Variants in KCNQ4 observed in about 807,000 individuals in gnomAD.
KCNQ4 encodes the protein potassium voltage-gated channel subfamily Q member 4.
In KCNQ4, 31 loss-of-function variants were observed where a neutral mutation model predicts 72.6. The ratio of observed to expected loss-of-function variants is 0.43; its 90% CI spans 0.32 to 0.58. KCNQ4 has a LOEUF of 0.58. Ranked by LOEUF, KCNQ4 falls within the 20% of genes least tolerant of loss-of-function variation. KCNQ4 has a pLI of 0.08. For synonymous variants in KCNQ4, 405 were observed against 403.7 expected, an observed-to-expected ratio of 1.00 and a Z score of -0.04; for missense variants, 869 against 962.6, an observed-to-expected ratio of 0.90 and a Z score of 1.29.
chr1:40,829,103 G>A (rs977954769), intron 9 of KCNQ4, among the ~76,000 whole-genome samples: 24 of 152,224 alleles, frequency 1.6e-4, no homozygotes, highest in African/African-American at 4.8e-4. Flanking sequence ...TCTCCAGAAC[G>A]CCATTGGAGC....
Position 40,804,693 on chromosome 1 carries a change from C to T in KCNQ4, c.315-12572C>T, listed in dbSNP as rs992937190. On this transcript the variant is annotated intron_variant, in intron 1 of 13. Coordinates refer to ENST00000347132, the MANE Select transcript of KCNQ4 (RefSeq NM_004700.4). ...ATTAGTCGGGCATGGTGGCACCCAC[C>T]TGTGGCCCCAGCTACTCAGGGGGCT... 2.6e-5 allele frequency among the ~76,000 whole-genome samples: 4 copies of T among 152,138 alleles called. No homozygotes were observed. In the East Asian group the frequency reaches 5.8e-4, roughly 22 times the overall value.
At position 40,838,607 on chromosome 1, in the gene KCNQ4, C is replaced by T; in HGVS notation, c.*84C>T. On this transcript the variant is annotated 3_prime_UTR_variant, in exon 14 of 14. Transcript: ENST00000347132. ...CCCTCTGAGGCCTCCGGACTCCTCT[C>T]GTACTTGAACTCACTCCCTCACGGG... The T allele has an allele frequency of 8.1e-7, 1 of 1,237,608 alleles. No homozygotes were observed. The highest frequency in any genetic ancestry group is 1.2e-6 in the Non-Finnish European group (1 of 841,920). The allele number at this position is 1,237,608 out of a possible 1,614,324, so 76.7% of individuals were successfully genotyped here.
At chr1:40,796,823 C>A (rs1647423806) in intron 1 of KCNQ4, among the ~76,000 whole-genome samples, 1 of 152,048 alleles carries the variant, frequency 6.6e-6, no homozygotes, top group Admixed American at 6.5e-5. Flanking sequence ...GAGGTTGAGG[C>A]ATCAGAATCG....
chr1:40,814,046 C>CTTTTTTTTTTTTTTTTTTTTTTTTTTTTT (rs35243800), intron 1 of KCNQ4, among the ~76,000 whole-genome samples: 1 of 52,708 alleles, frequency 1.9e-5, no homozygotes, highest in African/African-American at 8.0e-5. Context: ...TGCGCCCGGC[C>CTTTTTTTTTTTTTTTTTTTTTTTTTTTTT]TTTTTTTTTT....
At chr1:40,818,811 A>G in intron 4 of KCNQ4, 131 bp downstream of exon 4, 1 of 1,042,026 alleles carries the variant, frequency 9.6e-7, no homozygotes, top group Non-Finnish European at 1.4e-6. Context: ...CGGGGGTTGG[A>G]GCCCTAGCAG....
In KCNQ4 at chr1:40,824,269, C is replaced by T. The variant is rs760293256; in HGVS notation, c.1292+11C>T. On this transcript the variant is annotated intron_variant, in intron 9 of 13. Coordinates refer to ENST00000347132, the MANE Select transcript of KCNQ4 (RefSeq NM_004700.4). ...CTGCCCTGGGGAAAGGTAGGGGCCCCGTGGGGCTGCCACCTCCTCTTGCTT... is the reference window on the plus strand; with the variant it reads ...CTGCCCTGGGGAAAGGTAGGGGCCCTGTGGGGCTGCCACCTCCTCTTGCTT... 43 of 1,603,640 alleles carry T rather than the reference C, an allele frequency of 2.7e-5. No homozygotes were observed. The highest frequency in any genetic ancestry group is 1.9e-4 in the African/African-American group (14 of 74,694).
chr1:40,837,906 C>T lies in KCNQ4; in HGVS notation c.1875+112C>T, dbSNP rs1648852466. 3 of 1,410,848 alleles carry T rather than the reference C, an allele frequency of 2.1e-6. No individual in the cohort carries two copies. The African/African-American group carries it at 4.3e-5, about 20-fold the overall frequency. The allele number at this position is 1,410,848 out of a possible 1,614,324, so 87.4% of individuals were successfully genotyped here. A position where few individuals can be genotyped will look rare whatever the true frequency, so the allele number is the denominator to read the frequency against. Reference sequence around the variant, plus strand: ...CACAGCCCAAGGGTCCCCGAGAAGACCTAAGAGCCCCCTCCCCGGCCGAAG... The same window carrying T: ...CACAGCCCAAGGGTCCCCGAGAAGATCTAAGAGCCCCCTCCCCGGCCGAAG... On this transcript the variant is annotated intron_variant, in intron 13 of 13. Coordinates refer to ENST00000347132, the MANE Select transcript of KCNQ4 (RefSeq NM_004700.4).
At chr1:40,830,510 A>G (rs1053302555) in intron 9 of KCNQ4, among the ~76,000 whole-genome samples, 1 of 152,154 alleles carries the variant, frequency 6.6e-6, no homozygotes, top group African/African-American at 2.4e-5. Context: ...ACACGCCAAC[A>G]TATGTACACA....
chr1:40,819,047 G>C, intron 4 of KCNQ4: 1 of 548,246 alleles, frequency 1.8e-6, no homozygotes, highest in Non-Finnish European at 3.4e-6. Flanking sequence ...GTGGAAGCCT[G>C]AAAGTGGGAC....
At chr1:40,803,437 C>T (rs564904439) in intron 1 of KCNQ4, among the ~76,000 whole-genome samples, 86 of 152,240 alleles carry the variant, frequency 5.6e-4, no homozygotes, top group Non-Finnish European at 1.0e-3. Flanking sequence ...TCTGCTTCTC[C>T]CTCTGCTGCC....
intron 9 of KCNQ4, among the ~76,000 whole-genome samples, chr1:40,824,470 C>T (rs1648417164): frequency 6.6e-6 from 1 of 152,196 alleles, no homozygotes; most frequent in Non-Finnish European, 1.5e-5. Flanking sequence ...CTGTGGGGCT[C>T]TGAGGGTCTG....
At position 40,819,924 on chromosome 1, in the gene KCNQ4, T is replaced by C. The variant is rs1169627230; in HGVS notation, c.884T>C (p.Leu295Pro). 3 of 1,614,112 alleles carry C rather than the reference T, an allele frequency of 1.9e-6. No homozygotes were observed. In the African/African-American group the frequency reaches 4.0e-5, roughly 22 times the overall value. The change falls in exon 6 of 14, where the codon CTG becomes CCG. Residue 295 changes from leucine (L) to proline (P), a missense_variant. Leu to Pro is a moderately conservative substitution (Grantham distance 98, BLOSUM62 -3). This residue lies in a region of KCNQ4 where 13 missense variants were observed against 46.0 expected (regional missense o/e 0.28). Transcript: ENST00000347132. Reference protein sequence around the residue: ...GYGDKTPHTWLGRVLAAGFAL... With the variant: ...GYGDKTPHTWPGRVLAAGFAL... The stretch of plus-strand genomic sequence containing the variant: ...GGTGACAAGACACCGCACACATGGC[T>C]GGGCAGGGTCCTGGCTGCTGGCTTC...
Position 40,820,240 on chromosome 1 carries a change from C to T in KCNQ4, c.1021C>T (p.Pro341Ser). 6.2e-7 allele frequency: 1 copy of T among 1,607,344 alleles called. No individual in the cohort carries two copies. The highest frequency in any genetic ancestry group is 8.5e-7 in the Non-Finnish European group (1 of 1,177,044). The change falls in exon 7 of 14, where the codon CCG becomes TCG. Residue 341 changes from proline (P) to serine (S), a missense_variant. Coordinates refer to ENST00000347132, the MANE Select transcript of KCNQ4 (RefSeq NM_004700.4). ...GAAGCACTTCGAGAAGCGGAGGATG[C>T]CGGCAGCCAACCTCATCCAGGTACA... ...RQKHFEKRRMPAANLIQAAWR... is the reference protein window; with the variant it reads ...RQKHFEKRRMSAANLIQAAWR...
intron 1 of KCNQ4, among the ~76,000 whole-genome samples, chr1:40,795,238 G>C (rs1030750436): frequency 6.7e-6 from 1 of 149,694 alleles, no homozygotes; most frequent in African/African-American, 2.4e-5. Context: ...AGAACAGGGG[G>C]GTTGTGGTGG....
At position 40,834,755 on chromosome 1, in the gene KCNQ4, AC is replaced by A. The variant is rs147459653; in HGVS notation, c.1614-208del. Among the ~76,000 whole-genome samples, 1,652 of 151,394 alleles carry A rather than the reference AC, an allele frequency of 0.011. 29 individuals are homozygous for A. The highest frequency in any genetic ancestry group is 0.038 in the African/African-American group (1,547 of 41,200). ...CATGGCACCCTGAACCCCATCCTCC[AC>A]CCCGGCTGGTTGATTAACCCCTTTC... On this transcript the variant is annotated intron_variant, in intron 11 of 13. Coordinates refer to ENST00000347132, the MANE Select transcript of KCNQ4 (RefSeq NM_004700.4).
intron 11 of KCNQ4, 58 bp from the exon 12 acceptor site, chr1:40,834,909 G>T: frequency 1.9e-6 from 3 of 1,604,110 alleles, no homozygotes; most frequent in Non-Finnish European, 2.6e-6. Context: ...TGGAGAGGGT[G>T]CTGGGAAAGA....
chr1:40,819,526 C>T (rs1352502430), intron 5 of KCNQ4, 54 bp downstream of exon 5: 10 of 1,607,452 alleles, frequency 6.2e-6, no homozygotes, highest in Admixed American at 1.7e-5. Context: ...TCCCTGGGAA[C>T]TTCCCGAGGT....
intron 7 of KCNQ4, among the ~76,000 whole-genome samples, chr1:40,821,661 A>G (rs1395693772): frequency 1.3e-5 from 2 of 152,224 alleles, no homozygotes; most frequent in African/African-American, 4.8e-5. Context: ...ATTGCTAGTA[A>G]TAATAATGAC....
chr1:40,791,764 A>G (rs554816126), intron 1 of KCNQ4, among the ~76,000 whole-genome samples: 5 of 152,172 alleles, frequency 3.3e-5, no homozygotes, highest in Non-Finnish European at 7.4e-5. Flanking sequence ...GGAAGGTGGG[A>G]CTGGAGGAAA....
Sources: allele counts gnomAD v4.1 joint callset (sites outside exome capture counted in the v4.1 genomes callset), GRCh38; gene constraint gnomAD v4.1.1; regional missense constraint gnomAD v4.1.1; transcripts MANE v1.5; gene names NCBI Gene and HGNC (gene_info 2026-07-23, HGNC 2026-07-21).